ZBTB8A: variants seen among roughly 807,000 people sequenced by gnomAD.
The protein encoded by ZBTB8A is zinc finger and BTB domain-containing protein 8A.
ZBTB8A carries 19 observed loss-of-function variants against 37.8 expected under a neutral mutation model. The ratio of observed to expected loss-of-function variants is 0.50; its 90% confidence interval spans 0.35 to 0.74. The LOEUF (loss-of-function observed/expected upper bound fraction) is 0.74. Among genes scored for constraint, ZBTB8A ranks in the 30% least tolerant of loss-of-function variants. ZBTB8A has a pLI of 0.01. For synonymous variants in ZBTB8A, 181 were observed against 185.2 expected, an observed-to-expected ratio of 0.98 and a Z score of 0.19; for missense variants, 394 against 537.8, an observed-to-expected ratio of 0.73 and a Z score of 2.65.
chr1:32,581,308 A>AATATATAATATATAAGT (rs1644405092), intron 2 of ZBTB8A, among the ~76,000 whole-genome samples: 1 of 117,692 alleles, frequency 8.5e-6, no homozygotes, highest in East Asian at 2.1e-4. Context: ...ATTATATAAT[A>AATATATAATATATAAGT]ATATATAATA....
In ZBTB8A at chr1:32,600,988, A is replaced by C. The variant is rs1423225452; in HGVS notation, c.*569A>C. Reference sequence around the variant, plus strand: ...GTTTAAGGATTATGGAAGAAGACTAAAGTGTTTGAAATCATTCATATTTGA... The same window carrying C: ...GTTTAAGGATTATGGAAGAAGACTACAGTGTTTGAAATCATTCATATTTGA... On this transcript the variant is annotated 3_prime_UTR_variant, in exon 5 of 5. Coordinates refer to ENST00000373510, the MANE Select transcript of ZBTB8A (RefSeq NM_001040441.3). The C allele has an allele frequency of 1.3e-5, 2 of 152,270 alleles. No individual in the cohort carries two copies. Among genetic ancestry groups the C allele is most frequent in the Non-Finnish European group, 2.9e-5 (2 of 68,108 alleles). 9.4% of individuals were successfully genotyped at this position (152,270 alleles called of 1,614,324 possible).
At chr1:32,557,557 G>C (rs1331547076) in intron 2 of ZBTB8A, among the ~76,000 whole-genome samples, 2 of 152,062 alleles carry the variant, frequency 1.3e-5, no homozygotes, top group African/African-American at 4.8e-5. Flanking sequence ...CCAACTCCTG[G>C]GCTCAAGTGA....
At chr1:32,575,693 T>TAAA (rs551092987) in intron 2 of ZBTB8A, among the ~76,000 whole-genome samples, 7 of 139,112 alleles carry the variant, frequency 5.0e-5, no homozygotes, top group Admixed American at 2.2e-4. Flanking sequence ...TGCAAAAAAT[T>TAAA]AAAAAAAAAA....
intron 2 of ZBTB8A, among the ~76,000 whole-genome samples, chr1:32,589,821 G>A (rs1644475035): frequency 1.3e-5 from 2 of 152,210 alleles, no homozygotes; most frequent in Admixed American, 6.5e-5. Context: ...CAAAGTGCTG[G>A]GATTACAGGT....
chr1:32,575,451 T>A (rs1244239028), intron 2 of ZBTB8A, among the ~76,000 whole-genome samples: 1 of 151,476 alleles, frequency 6.6e-6, no homozygotes, highest in Non-Finnish European at 1.5e-5. Context: ...GGTCTCAAAC[T>A]CCTGACTTCA....
chr1:32,569,931 A>T (rs1202121837), intron 2 of ZBTB8A, among the ~76,000 whole-genome samples: 1 of 152,098 alleles, frequency 6.6e-6, no homozygotes, highest in Non-Finnish European at 1.5e-5. Context: ...TGTACTTCAC[A>T]CTTTTTGTGT....
chr1:32,590,805 ACTACTCATAGCCCCTTTATG>A (rs1644482375), intron 2 of ZBTB8A, among the ~76,000 whole-genome samples: 1 of 152,132 alleles, frequency 6.6e-6, no homozygotes, highest in African/African-American at 2.4e-5. Flanking sequence ...AAACTAGGAT[ACTACTCATAGCCCCTTTATG>A]CTACTCATAG....
At position 32,568,097 on chromosome 1, in the gene ZBTB8A, G is replaced by A. The variant is rs1380379228; in HGVS notation, c.-2+14557G>A. 2.7e-5 allele frequency among the ~76,000 whole-genome samples: 4 copies of A among 150,696 alleles called. 1 individual carries two copies. The highest frequency in any genetic ancestry group is 5.9e-5 in the Non-Finnish European group (4 of 67,590). On this transcript the variant is annotated intron_variant, in intron 2 of 4. Coordinates refer to ENST00000373510, the MANE Select transcript of ZBTB8A (RefSeq NM_001040441.3). ...CTGGGAGGCAGAGGTTGTAGTGAGC[G>A]GAGATCATGCCACTGCACTCCAGCC... is the stretch of plus-strand genomic sequence containing the variant.
intron 1 of ZBTB8A, among the ~76,000 whole-genome samples, chr1:32,547,415 A>G (rs1390881462): frequency 2.8e-5 from 4 of 143,394 alleles, no homozygotes; most frequent in African/African-American, 1.0e-4. Context: ...GTGCAGTGGC[A>G]TGAGCATTGC....
At chr1:32,543,663 T>G (rs1410478453) in intron 1 of ZBTB8A, among the ~76,000 whole-genome samples, 1 of 152,072 alleles carries the variant, frequency 6.6e-6, no homozygotes, top group East Asian at 1.9e-4. Context: ...TATGACTAGT[T>G]TCTGTAACTT....
chr1:32,583,230 A>G (rs1431858526), intron 2 of ZBTB8A, among the ~76,000 whole-genome samples: 1 of 151,970 alleles, frequency 6.6e-6, no homozygotes, highest in Non-Finnish European at 1.5e-5. Flanking sequence ...AATACAGAAA[A>G]TTAGCCAGGC....
chr1:32,547,201 G>A (rs1273133103), intron 1 of ZBTB8A, among the ~76,000 whole-genome samples: 2 of 151,630 alleles, frequency 1.3e-5, no homozygotes, highest in Non-Finnish European at 2.9e-5. Flanking sequence ...ACCATGCCCG[G>A]CTGGGGGAAG....
chr1:32,577,401 C>A (rs1168716822), intron 2 of ZBTB8A, among the ~76,000 whole-genome samples: 1 of 149,814 alleles, frequency 6.7e-6, no homozygotes, highest in Non-Finnish European at 1.5e-5. Context: ...CCACCCGCCT[C>A]AGCCTTCCAA....
At chr1:32,547,828 CAAAAAAAAAAAA>C (rs1194254576) in intron 1 of ZBTB8A, among the ~76,000 whole-genome samples, 1 of 30,478 alleles carries the variant, frequency 3.3e-5, no homozygotes, top group Admixed American at 4.2e-4. Flanking sequence ...ACAAACAAAG[CAAAAAAAAAAAA>C]AAAAAAAAAA....
chr1:32,577,456 CT>C (rs569315100), intron 2 of ZBTB8A, among the ~76,000 whole-genome samples: 846 of 140,600 alleles, frequency 6.0e-3, no homozygotes, highest in Non-Finnish European at 6.0e-3. Flanking sequence ...TGCCGTCAGT[CT>C]TTTTTTTTTT....
chr1:32,560,615 CTTTTT>C (rs1170510859), intron 2 of ZBTB8A, among the ~76,000 whole-genome samples: 3 of 90,806 alleles, frequency 3.3e-5, no homozygotes, highest in African/African-American at 4.5e-5. Flanking sequence ...TCTTTTCTTT[CTTTTT>C]TTTTTTTTTT....
intron 2 of ZBTB8A, among the ~76,000 whole-genome samples, chr1:32,591,396 T>C (rs544126726): frequency 1.3e-5 from 2 of 151,010 alleles, no homozygotes; most frequent in Non-Finnish European, 2.9e-5. Context: ...TATATATATA[T>C]TTTGTAGAGA....
intron 2 of ZBTB8A, among the ~76,000 whole-genome samples, chr1:32,566,201 CAAAA>C (rs35071920): frequency 2.8e-5 from 2 of 70,736 alleles, no homozygotes; most frequent in Non-Finnish European, 5.6e-5. Context: ...GACTCCATCT[CAAAA>C]AAAAAAAAAA....
intron 2 of ZBTB8A, among the ~76,000 whole-genome samples, chr1:32,579,667 C>T (rs976675906): frequency 2.0e-5 from 3 of 152,076 alleles, no homozygotes; most frequent in Non-Finnish European, 4.4e-5. Context: ...TTTTCTCTTC[C>T]TGTATTCCAG....
Sources: gnomAD v4.1 joint callset for allele counts (sites outside exome capture counted in the v4.1 genomes callset) on GRCh38, gnomAD v4.1.1 for gene constraint, MANE v1.5 for transcripts, NCBI Gene and HGNC (gene_info 2026-07-23, HGNC 2026-07-21) for gene names.